MGAT4D: variants seen among roughly 807,000 people sequenced by gnomAD.
The protein encoded by MGAT4D is MGAT4 family member D.
A neutral mutation model predicts 15.9 loss-of-function variants in MGAT4D; 34 were observed. That is an observed-to-expected ratio of 2.14 (90% CI 1.62 to 2.84). MGAT4D has a LOEUF of 2.84. MGAT4D is among the 30% of genes most tolerant of loss of function. The probability of loss-of-function intolerance (pLI) is 0.00; values close to 1 mark genes in which losing one functional copy is unlikely to be tolerated. For synonymous variants in MGAT4D, 112 were observed against 48.2 expected (o/e 2.33, Z -5.49); for missense variants, 327 against 140.2 (o/e 2.33, Z -6.73).
chr4:140,473,721 C>G (rs539580518), intron 4 of MGAT4D, among the ~76,000 whole-genome samples: 1 of 152,244 alleles, frequency 6.6e-6, no homozygotes, highest in South Asian at 2.1e-4. Context: ...TTTTTTGAGA[C>G]AGGGCCTCGC....
intron 1 of MGAT4D, among the ~76,000 whole-genome samples, chr4:140,483,404 G>A (rs563134521): frequency 2.6e-5 from 4 of 152,170 alleles, no homozygotes; most frequent in Admixed American, 6.5e-5. Context: ...TCACATGTTC[G>A]TAGATTAGAA....
intron 4 of MGAT4D, among the ~76,000 whole-genome samples, chr4:140,473,140 CCCCT>C (rs1732084357): frequency 6.6e-6 from 1 of 151,072 alleles, no homozygotes; most frequent in Non-Finnish European, 1.5e-5. Flanking sequence ...TATATATTTT[CCCCT>C]CCCTCCATCT....
intron 9 of MGAT4D, among the ~76,000 whole-genome samples, chr4:140,452,470 T>C (rs1333310849): frequency 2.6e-5 from 4 of 152,150 alleles, no homozygotes; most frequent in Non-Finnish European, 5.9e-5. Flanking sequence ...AGTTACAGTT[T>C]AGCATATAAA....
intron 1 of MGAT4D, among the ~76,000 whole-genome samples, chr4:140,495,164 C>T (rs544036323): frequency 1.3e-4 from 20 of 152,260 alleles, no homozygotes; most frequent in Non-Finnish European, 2.2e-4. Flanking sequence ...GAGATTCCAC[C>T]GCAGGGCCTT....
chr4:140,487,361 A>G (rs1356254872), intron 1 of MGAT4D, among the ~76,000 whole-genome samples: 2 of 152,230 alleles, frequency 1.3e-5, no homozygotes, highest in African/African-American at 2.4e-5. Flanking sequence ...CATTAAAAAT[A>G]GGTTCCAGGC....
intron 9 of MGAT4D, 47 bp downstream of exon 9, chr4:140,456,542 A>T: frequency 1.8e-6 from 1 of 558,038 alleles, no homozygotes; most frequent in Non-Finnish European, 3.2e-6. Flanking sequence ...CGTTGGATAG[A>T]TAATATTTTT....
At chr4:140,467,207 C>T (rs180762394) in intron 5 of MGAT4D, among the ~76,000 whole-genome samples, 5 of 151,436 alleles carry the variant, frequency 3.3e-5, no homozygotes, top group Admixed American at 6.6e-5. Flanking sequence ...TTTTAAAAAA[C>T]GAATTCTAAT....
intron 7 of MGAT4D, among the ~76,000 whole-genome samples, chr4:140,460,680 AC>A (rs1731116379): frequency 6.6e-6 from 1 of 152,182 alleles, no homozygotes; most frequent in Non-Finnish European, 1.5e-5. Context: ...TATAAAAACT[AC>A]AAAAAATTAG....
At chr4:140,447,407 A>G (rs934637961) in intron 10 of MGAT4D, among the ~76,000 whole-genome samples, 2 of 152,094 alleles carry the variant, frequency 1.3e-5, no homozygotes, top group African/African-American at 4.8e-5. Context: ...GTGCATATAT[A>G]TTTAGGATAG....
chr4:140,489,092 A>T (rs1733340135), intron 1 of MGAT4D, among the ~76,000 whole-genome samples: 1 of 152,136 alleles, frequency 6.6e-6, no homozygotes, highest in African/African-American at 2.4e-5. Flanking sequence ...ATCATGGGGA[A>T]CGTACGTAAG....
chr4:140,458,343 C>G (rs902162636), intron 8 of MGAT4D: 4 of 152,146 alleles, frequency 2.6e-5, no homozygotes, highest in African/African-American at 9.7e-5. Context: ...GACAGCAAAA[C>G]GTGTGGTTGC....
chr4:140,489,966 C>T (rs1295013788), intron 1 of MGAT4D, among the ~76,000 whole-genome samples: 1 of 152,130 alleles, frequency 6.6e-6, no homozygotes, highest in Non-Finnish European at 1.5e-5. Context: ...TTCAACCCTA[C>T]TAGTAGTGGA....
chr4:140,467,304 A>G (rs1731602812), intron 5 of MGAT4D, among the ~76,000 whole-genome samples: 1 of 152,198 alleles, frequency 6.6e-6, no homozygotes, highest in South Asian at 2.1e-4. Context: ...AGTTAGTAAC[A>G]TAATATCTAA....
intron 1 of MGAT4D, among the ~76,000 whole-genome samples, chr4:140,490,374 A>G (rs942505718): frequency 1.3e-5 from 2 of 152,126 alleles, no homozygotes; most frequent in Non-Finnish European, 2.9e-5. Flanking sequence ...CCCAGAACCA[A>G]AGAATCCTCC....
At chr4:140,449,627 G>A (rs1319717342) in intron 10 of MGAT4D, among the ~76,000 whole-genome samples, 1 of 152,128 alleles carries the variant, frequency 6.6e-6, no homozygotes, top group African/African-American at 2.4e-5. Context: ...CGGCATGGTG[G>A]TGGCCACCTG....
At chr4:140,450,999 C>A (rs1730437849) in intron 10 of MGAT4D, among the ~76,000 whole-genome samples, 1 of 151,988 alleles carries the variant, frequency 6.6e-6, no homozygotes, top group South Asian at 2.1e-4. Context: ...CTTCATCTGG[C>A]AAAACGAACA....
intron 10 of MGAT4D, among the ~76,000 whole-genome samples, chr4:140,450,844 C>T (rs1221420782): frequency 1.3e-5 from 2 of 152,116 alleles, no homozygotes; most frequent in East Asian, 1.9e-4. Flanking sequence ...CCCTAGTTCA[C>T]CAGGACTGAA....
intron 1 of MGAT4D, among the ~76,000 whole-genome samples, chr4:140,484,371 G>A (rs551135638): frequency 6.6e-6 from 1 of 152,182 alleles, no homozygotes; most frequent in African/African-American, 2.4e-5. Flanking sequence ...TATTATCAGA[G>A]ACAAAAGGTG....
chr4:140,485,397 G>A (rs1038999535), intron 1 of MGAT4D, among the ~76,000 whole-genome samples: 101 of 151,744 alleles, frequency 6.7e-4, no homozygotes, highest in Non-Finnish European at 1.4e-3. Flanking sequence ...TCTGGGGACT[G>A]TTGTGGGGTG....
Sources: allele counts gnomAD v4.1 joint callset (sites outside exome capture counted in the v4.1 genomes callset), GRCh38; gene constraint gnomAD v4.1.1; transcripts MANE v1.5; gene names NCBI Gene and HGNC (gene_info 2026-07-23, HGNC 2026-07-21).